The following DPP10 variants were observed in gnomAD, a reference collection of about 807,000 sequenced individuals.
DPP10 encodes dipeptidyl peptidase like 10.
A neutral mutation model predicts 120.9 loss-of-function variants in DPP10; 33 were observed. The ratio of observed to expected loss-of-function variants is 0.27; its 90% confidence interval spans 0.21 to 0.37. The LOEUF (loss-of-function observed/expected upper bound fraction) is 0.37, where lower values mean the gene tolerates loss of function less well. DPP10 is among the 10% of genes least tolerant of loss of function. The probability of loss-of-function intolerance (pLI) is 1.00; values close to 1 mark genes in which losing one functional copy is unlikely to be tolerated. For synonymous variants in DPP10, 337 were observed against 326.1 expected (o/e 1.03, Z -0.36); for missense variants, 816 against 942.8 (o/e 0.87, Z 1.76).
At chr2:114,641,149 C>G (rs1468139176) in intron 1 of DPP10, among the ~76,000 whole-genome samples, 1 of 151,948 alleles carries the variant, frequency 6.6e-6, no homozygotes, top group Non-Finnish European at 1.5e-5. Context: ...AAAACGGTGG[C>G]TCAGAGAAGG....
chr2:115,805,450 T>C (rs1685823427), intron 19 of DPP10, among the ~76,000 whole-genome samples: 1 of 152,038 alleles, frequency 6.6e-6, no homozygotes, highest in South Asian at 2.1e-4. Flanking sequence ...GCACCCACTG[T>C]CTGGCACTCC....
chr2:115,627,709 G>C (rs1558945876), intron 5 of DPP10, among the ~76,000 whole-genome samples: 1 of 152,004 alleles, frequency 6.6e-6, no homozygotes, highest in Non-Finnish European at 1.5e-5. Flanking sequence ...GCCCTAGTGA[G>C]TGTTGTTCCC....
chr2:114,997,707 A>G (rs6542234), intron 1 of DPP10, among the ~76,000 whole-genome samples: 146,142 of 152,252 alleles, frequency 0.96, 70,445 homozygotes, highest in Middle Eastern at 1. Flanking sequence ...GATGAGTGTT[A>G]TTGAAAAGAA....
chr2:115,746,208 A>T, intron 10 of DPP10, 25 bp downstream of exon 10: 1 of 1,551,488 alleles, frequency 6.4e-7, no homozygotes, highest in South Asian at 1.1e-5. Flanking sequence ...TTTCACTTTT[A>T]TGGGGAAATA....
chr2:114,980,700 A>G (rs1386372609), intron 1 of DPP10, among the ~76,000 whole-genome samples: 8 of 151,824 alleles, frequency 5.3e-5, no homozygotes. Context: ...GCCAAAACAC[A>G]ATCCCAGGTT....
intron 1 of DPP10, among the ~76,000 whole-genome samples, chr2:115,011,325 T>A (rs1028244556): frequency 1.3e-5 from 2 of 152,236 alleles, no homozygotes; most frequent in African/African-American, 4.8e-5. Flanking sequence ...CTCTTTTATA[T>A]CCTTACTGAT....
intron 11 of DPP10, among the ~76,000 whole-genome samples, chr2:115,758,547 A>G (rs1679712692): frequency 6.6e-6 from 1 of 152,146 alleles, no homozygotes; most frequent in Non-Finnish European, 1.5e-5. Context: ...TAATTTTAAT[A>G]TAATACCAAT....
intron 17 of DPP10, among the ~76,000 whole-genome samples, chr2:115,788,977 G>T (rs571667025): frequency 6.6e-6 from 1 of 152,062 alleles, no homozygotes; most frequent in Non-Finnish European, 1.5e-5. Context: ...AATTAGCCGG[G>T]TGTGGTGGCG....
chr2:114,666,387 G>A (rs1387112477), intron 1 of DPP10, among the ~76,000 whole-genome samples: 5 of 152,086 alleles, frequency 3.3e-5, no homozygotes, highest in African/African-American at 4.8e-5. Context: ...GAATACCAAA[G>A]GGATGAAAAT....
At chr2:115,105,270 T>G (rs768536536) in intron 1 of DPP10, among the ~76,000 whole-genome samples, 10 of 152,198 alleles carry the variant, frequency 6.6e-5, no homozygotes, top group Non-Finnish European at 1.3e-4. Flanking sequence ...AAGGAATACC[T>G]GAGACTGGTA....
intron 8 of DPP10, among the ~76,000 whole-genome samples, chr2:115,735,914 C>T (rs754535507): frequency 3.3e-5 from 5 of 152,016 alleles, no homozygotes; most frequent in African/African-American, 4.8e-5. Context: ...TTGTGACTCT[C>T]CTGAGTTCCA....
chr2:114,633,427 A>G lies in DPP10; in HGVS notation c.60+190589A>G, dbSNP rs111739446. Among the ~76,000 whole-genome samples, 994 of 149,838 alleles carry G rather than the reference A, an allele frequency of 6.6e-3. 34 individuals carry two copies. Among genetic ancestry groups the G allele is most frequent in the African/African-American group, 0.023 (941 of 40,460 alleles). On this transcript the variant is annotated intron_variant, in intron 1 of 25. Transcript: ENST00000410059. ...CCATCACATCCAGCAAATTTTTTGT[A>G]TTTTTTTAGTAGAGACAGGGTTTCT...
At chr2:115,753,927 A>G (rs1396848024) in intron 11 of DPP10, among the ~76,000 whole-genome samples, 2 of 152,150 alleles carry the variant, frequency 1.3e-5, no homozygotes, top group Non-Finnish European at 2.9e-5. Context: ...TTAGATTAAC[A>G]ACTGAATTTT....
intron 5 of DPP10, among the ~76,000 whole-genome samples, chr2:115,566,274 A>G (rs944022673): frequency 6.6e-6 from 1 of 152,044 alleles, no homozygotes; most frequent in Admixed American, 6.6e-5. Context: ...AATATATCTT[A>G]TATACGTTTT....
chr2:114,504,816 G>T (rs1279334502), intron 1 of DPP10, among the ~76,000 whole-genome samples: 1 of 152,050 alleles, frequency 6.6e-6, no homozygotes, highest in Non-Finnish European at 1.5e-5. Flanking sequence ...TGCTTTGGGA[G>T]GCTGAGGCAG....
At chr2:115,069,224 T>C (rs1291818257) in intron 1 of DPP10, among the ~76,000 whole-genome samples, 1 of 152,086 alleles carries the variant, frequency 6.6e-6, no homozygotes, top group African/African-American at 2.4e-5. Context: ...CTTTCATCAA[T>C]ATTTTAAAGT....
intron 1 of DPP10, among the ~76,000 whole-genome samples, chr2:115,124,248 T>C (rs1239674015): frequency 6.6e-6 from 1 of 152,188 alleles, no homozygotes; most frequent in African/African-American, 2.4e-5. Context: ...AGCCTGACTA[T>C]GCCCTTTTCA....
intron 1 of DPP10, among the ~76,000 whole-genome samples, chr2:115,249,431 G>A (rs922104325): frequency 3.9e-5 from 6 of 152,058 alleles, no homozygotes; most frequent in African/African-American, 1.4e-4. Flanking sequence ...GAAGACACAA[G>A]CAATGAACAT....
intron 3 of DPP10, among the ~76,000 whole-genome samples, chr2:115,489,589 C>T (rs2075988461): frequency 6.8e-6 from 1 of 147,684 alleles, no homozygotes; most frequent in Admixed American, 6.8e-5. Context: ...ATCCTACAAA[C>T]CAAAAAATTT....
Sources: gnomAD v4.1 joint callset for allele counts (sites outside exome capture counted in the v4.1 genomes callset) on GRCh38, gnomAD v4.1.1 for gene constraint, MANE v1.5 for transcripts, NCBI Gene and HGNC (gene_info 2026-07-23, HGNC 2026-07-21) for gene names.